PAH: variants seen among roughly 807,000 people sequenced by gnomAD.
The protein encoded by PAH is phenylalanine hydroxylase, also known as phenylalanine-4-hydroxylase.
Under a neutral mutation model 62.0 loss-of-function variants are expected in PAH, and 64 were observed. The observed-to-expected ratio is 1.03, with a 90% CI of 0.84 to 1.27. PAH has a LOEUF of 1.27. PAH is among the 50% of genes most tolerant of loss of function. PAH has a pLI of 0.00. For missense variants in PAH, 579 were observed against 542.8 expected, an observed-to-expected ratio of 1.07 and a Z score of -0.66; for synonymous variants, 195 against 196.2, an observed-to-expected ratio of 0.99 and a Z score of 0.05.
chr12:102,889,534 G>GGATAGATA (rs201300617), intron 3 of PAH, among the ~76,000 whole-genome samples: 3,149 of 150,522 alleles, frequency 0.021, 63 homozygotes, highest in African/African-American at 0.049. Flanking sequence ...ATAGATAGAC[G>GGATAGATA]GATAGATAGA....
intron 2 of PAH, among the ~76,000 whole-genome samples, chr12:102,900,297 C>T (rs891070812): frequency 5.3e-5 from 8 of 152,054 alleles, no homozygotes; most frequent in Non-Finnish European, 1.0e-4. Flanking sequence ...GATCCGCCTG[C>T]CTCAGCCTCC....
At chr12:102,898,519 G>A (rs1877603763) in intron 2 of PAH, among the ~76,000 whole-genome samples, 1 of 152,140 alleles carries the variant, frequency 6.6e-6, no homozygotes, top group Non-Finnish European at 1.5e-5. Flanking sequence ...AAAATTCACT[G>A]AACTTGTAGT....
intron 1 of PAH, among the ~76,000 whole-genome samples, chr12:102,932,471 T>C (rs1184450182): frequency 6.6e-6 from 1 of 152,174 alleles, no homozygotes; most frequent in Non-Finnish European, 1.5e-5. Flanking sequence ...AGATCGCTGG[T>C]GATCCTAGAG....
intron 8 of PAH, among the ~76,000 whole-genome samples, chr12:102,849,780 A>AG (rs766664880): frequency 6.6e-6 from 1 of 152,154 alleles, no homozygotes; most frequent in Non-Finnish European, 1.5e-5. Flanking sequence ...GCCTACAACA[A>AG]GGGGGGCCCC....
intron 7 of PAH, chr12:102,852,370 A>G (rs1875188484): frequency 4.2e-6 from 1 of 236,188 alleles, no homozygotes; most frequent in South Asian, 6.5e-5. Flanking sequence ...TTATCAGACT[A>G]AGGGGATAAC....
At chr12:102,920,847 G>A (rs34984499), upstream of PAH, among the ~76,000 whole-genome samples, 27,683 of 152,092 alleles carry the variant, frequency 0.18, 2,825 homozygotes, top group African/African-American at 0.27. Context: ...TGCTGAATAT[G>A]TATCTAGTTC....
Position 102,852,865 on chromosome 12 carries a change from G to T in PAH, c.792C>A (p.His264Gln). ...ATCCATGTCTGATGTACTGTGTGCA[G>T]TGGAAGACTCGGAAGGCCAGGCCAC... ...FLGGLAFRVF[H>Q]CTQYIRHGSK... is the part of the protein sequence containing the mutation. Residue 264 changes from histidine to glutamine, a missense_variant, in exon 7 of 13, where the codon CAC (histidine) becomes CAA (glutamine). Transcript: ENST00000553106. 6.2e-7 allele frequency: 1 copy of T among 1,614,130 alleles called. No homozygotes were observed. The highest frequency in any genetic ancestry group is 8.5e-7 in the Non-Finnish European group (1 of 1,180,010).
chr12:102,866,571 C>T, intron 5 of PAH, 25 bp downstream of exon 5: 1 of 1,597,948 alleles, frequency 6.3e-7, no homozygotes, highest in Non-Finnish European at 8.6e-7. Flanking sequence ...TTCTCTCTTC[C>T]CCTCAACAAG....
chr12:102,867,129 G>GC (rs1413391158), intron 4 of PAH, among the ~76,000 whole-genome samples: 1 of 152,152 alleles, frequency 6.6e-6, no homozygotes, highest in Non-Finnish European at 1.5e-5. Flanking sequence ...CATACTATGT[G>GC]CCAGTTTGTG....
At chr12:102,947,791 A>T (rs779575593) in intron 1 of PAH, among the ~76,000 whole-genome samples, 1 of 152,222 alleles carries the variant, frequency 6.6e-6, no homozygotes, top group Non-Finnish European at 1.5e-5. Flanking sequence ...ATGTAGATGG[A>T]CATGTATTTC....
intron 1 of PAH, chr12:102,915,183 G>C (rs1878336833): frequency 6.6e-6 from 1 of 152,046 alleles, no homozygotes; most frequent in Non-Finnish European, 1.5e-5. Flanking sequence ...GGCTCTTTTG[G>C]GTCTCAATTC....
chr12:102,924,359 G>GTT (rs140026020), intron 1 of PAH, among the ~76,000 whole-genome samples: 3 of 149,680 alleles, frequency 2.0e-5, no homozygotes, highest in African/African-American at 4.9e-5. Flanking sequence ...AGACTGATGG[G>GTT]TTTTTTTTTT....
chr12:102,888,013 C>T (rs975254063), intron 3 of PAH, among the ~76,000 whole-genome samples: 1 of 152,080 alleles, frequency 6.6e-6, no homozygotes, highest in African/African-American at 2.4e-5. Flanking sequence ...TTGGACTGAC[C>T]CAAATGGCAT....
At chr12:102,840,379 C>T (rs1002633553) in intron 12 of PAH, 21 bp downstream of exon 12, 12 of 1,436,508 alleles carry the variant, frequency 8.4e-6, no homozygotes, top group South Asian at 3.4e-5. Context: ...CGAGTGGCCT[C>T]GTAAGGTGTA....
chr12:102,888,743 G>A (rs7958897), intron 3 of PAH, among the ~76,000 whole-genome samples: 1,766 of 151,844 alleles, frequency 0.012, 28 homozygotes, highest in African/African-American at 0.04. Flanking sequence ...GCAGTTTGCT[G>A]AAACGAGTGA....
At chr12:102,891,425 G>A (rs1264519627) in intron 3 of PAH, among the ~76,000 whole-genome samples, 1 of 152,122 alleles carries the variant, frequency 6.6e-6, no homozygotes, top group East Asian at 1.9e-4. Flanking sequence ...GACCTCTCAG[G>A]TCATTTTCCA....
chr12:102,843,589 A>G, intron 11 of PAH, 57 bp downstream of exon 11: 1 of 1,594,740 alleles, frequency 6.3e-7, no homozygotes, highest in Middle Eastern at 1.7e-4. Flanking sequence ...CCCACAGATG[A>G]GTGGCACCAG....
rs62644501 is a variant in PAH at position 102,840,463 on chromosome 12, T to G, written c.1252A>C (p.Thr418Pro). Residue 418 changes from threonine (T) to proline (P), a missense_variant, in exon 12 of 13, where the codon ACC (threonine) becomes CCC (proline). Transcript: ENST00000553106. ...RPFSVRYDPY[T>P]QRIEVLDNTQ... ...TTGTCCAAGACCTCAATCCTTTGGG[T>G]GTATGGGTCGTAGCGAACTGAGAAG... 1.9e-6 allele frequency: 3 copies of G among 1,613,888 alleles called. No homozygotes were observed. The highest frequency in any genetic ancestry group is 2.2e-5 in the East Asian group (1 of 44,876).
At chr12:102,871,952 ATATATAT>A (rs1876362672) in intron 4 of PAH, among the ~76,000 whole-genome samples, 1 of 21,612 alleles carries the variant, frequency 4.6e-5, no homozygotes, top group East Asian at 1.9e-3. Flanking sequence ...AAAAAAAAAT[ATATATAT>A]ATATATATAT....
Sources: allele counts gnomAD v4.1 joint callset (sites outside exome capture counted in the v4.1 genomes callset), GRCh38; gene constraint gnomAD v4.1.1; transcripts MANE v1.5; gene names NCBI Gene and HGNC (gene_info 2026-07-23, HGNC 2026-07-21).